The following LMO7 variants were observed in gnomAD, a reference collection of about 807,000 sequenced individuals.
LMO7 encodes the protein LIM domain only protein 7.
In LMO7, 120 loss-of-function variants were observed where a neutral mutation model predicts 206.5. The ratio of observed to expected loss-of-function variants is 0.58; its 90% CI spans 0.50 to 0.68. The LOEUF (loss-of-function observed/expected upper bound fraction) is 0.68, where lower values mean the gene tolerates loss of function less well. Among genes scored for constraint, LMO7 ranks in the 30% least tolerant of loss-of-function variants. The probability of loss-of-function intolerance (pLI) is 0.00; values close to 1 mark genes in which losing one functional copy is unlikely to be tolerated. For synonymous variants in LMO7, 706 were observed against 681.5 expected (o/e 1.04, Z -0.56); for missense variants, 1,959 against 1,957.9 (o/e 1.00, Z -0.01).
intron 4 of LMO7, among the ~76,000 whole-genome samples, chr13:75,782,641 G>A (rs1013991129): frequency 6.6e-6 from 1 of 152,136 alleles, no homozygotes; most frequent in Non-Finnish European, 1.5e-5. Context: ...AGTCTTAAGG[G>A]GCTAAAAACA....
At chr13:75,796,283 G>A (rs772759824) in intron 5 of LMO7, among the ~76,000 whole-genome samples, 22 of 152,180 alleles carry the variant, frequency 1.4e-4, no homozygotes, top group Admixed American at 9.2e-4. Flanking sequence ...AATTATTGAT[G>A]TTTAGGTGAT....
At position 75,841,809 on chromosome 13, in the gene LMO7, C is replaced by T. The variant is rs759842247; in HGVS notation, c.3857C>T (p.Pro1286Leu). The T allele has an allele frequency of 4.2e-5, 67 of 1,613,806 alleles. 2 individuals carry two copies. In the South Asian group the frequency reaches 5.6e-4, roughly 13 times the overall value. The change falls in exon 24 of 31, where the codon CCG (proline) becomes CTG (leucine). Residue 1286 changes from proline (P) to leucine (L), a missense_variant. Pro to Leu is a moderately conservative substitution (Grantham distance 98). Transcript: ENST00000377534. Reference protein sequence around the residue: ...EVVHEDQGKKPQDQLVIERER... With the variant: ...EVVHEDQGKKLQDQLVIERER... ...GTTCATGAGGACCAAGGAAAGAAGCCGCAGGATCAGCTTGTTATTGAGAGA... is the reference window on the plus strand; with the variant it reads ...GTTCATGAGGACCAAGGAAAGAAGCTGCAGGATCAGCTTGTTATTGAGAGA...
Position 75,849,177 on chromosome 13 carries a change from C to A in LMO7, c.4249C>A (p.Gln1417Lys), listed in dbSNP as rs756714036. 2.5e-6 allele frequency: 4 copies of A among 1,613,818 alleles called. No individual in the cohort carries two copies. The Admixed American group carries it at 6.7e-5, about 27-fold the overall frequency. The change falls in exon 27 of 31, where the codon CAA becomes AAA. Residue 1417 changes from glutamine to lysine, a missense_variant. Physicochemically the swap from Gln to Lys is moderately conservative, Grantham distance 53 (BLOSUM62 1). Transcript: ENST00000377534. ...ATCAGGAGCAGAATTGGAGAGGCAA[C>A]AAATCCTTCAGGAAATGAGGAAGAG... ...VPSGAELERQ[Q>K]ILQEMRKRTP...
intron 2 of LMO7, among the ~76,000 whole-genome samples, chr13:75,717,160 GA>G (rs796326858): frequency 2.6e-4 from 40 of 151,996 alleles, no homozygotes; most frequent in African/African-American, 8.7e-4. Flanking sequence ...TCAGGAGATC[GA>G]GACCATCCTG....
Position 75,808,207 on chromosome 13 carries a change from T to C in LMO7, c.1916+8T>C. 1 of 1,593,318 alleles carries C rather than the reference T, an allele frequency of 6.3e-7. No homozygotes were observed. The highest frequency in any genetic ancestry group is 8.6e-7 in the Non-Finnish European group (1 of 1,169,164). ...AAGGCTGATGGTGGAGAGGTCAGAG[T>C]GTGTTTCTGCAAGGATTTTGCTTGT... On this transcript the variant is annotated splice_region_variant and intron_variant, in intron 10 of 30. Coordinates refer to ENST00000377534, the MANE Select transcript of LMO7 (RefSeq NM_001306080.2).
At chr13:75,824,901 A>G (rs572737309) in intron 15 of LMO7, among the ~76,000 whole-genome samples, 7 of 152,178 alleles carry the variant, frequency 4.6e-5, no homozygotes, top group African/African-American at 1.7e-4. Context: ...GGCATTGCAT[A>G]TTTATTATTA....
chr13:75,804,175 G>T (rs568283633), intron 7 of LMO7, 114 bp from the exon 8 acceptor site: 204 of 1,043,440 alleles, frequency 2.0e-4, no homozygotes, highest in Non-Finnish European at 2.3e-4. Flanking sequence ...ATTCCCTGCA[G>T]TTAGCAGTGG....
Position 75,728,968 on chromosome 13 carries a change from C to G in LMO7, c.210+1870C>G, listed in dbSNP as rs141503634. Among the ~76,000 whole-genome samples the G allele has an allele frequency of 2.1e-3, 316 of 152,022 alleles. 8 individuals carry two copies. The East Asian group carries it at 0.052, about 25-fold the overall frequency. Reference sequence around the variant, plus strand: ...CAGCATTATTTCTCAGGGCTCTGTTCTGTTCCATTGGTCTATATCTCTGTT... The same window carrying G: ...CAGCATTATTTCTCAGGGCTCTGTTGTGTTCCATTGGTCTATATCTCTGTT... On this transcript the variant is annotated intron_variant, in intron 3 of 30. Transcript: ENST00000377534.
exon 1 of LMO7, chr13:75,621,820 A>G: frequency 6.2e-7 from 1 of 1,611,648 alleles, no homozygotes; most frequent in Non-Finnish European, 8.5e-7. Context: ...TCATGTCTGC[A>G]TCTGTGTGGG....
intron 3 of LMO7, among the ~76,000 whole-genome samples, chr13:75,747,025 T>C (rs2046897359): frequency 6.6e-6 from 1 of 152,144 alleles, no homozygotes; most frequent in South Asian, 2.1e-4. Flanking sequence ...GTCCGGTTTG[T>C]ACATGTTGAA....
intron 1 of LMO7, among the ~76,000 whole-genome samples, chr13:75,712,242 ATTTC>A (rs1231317244): frequency 1.3e-5 from 2 of 152,134 alleles, no homozygotes; most frequent in East Asian, 3.9e-4. Context: ...TCAGAAATGT[ATTTC>A]TTTCTGAAGT....
Position 75,805,467 on chromosome 13 carries a change from T to G in LMO7, c.915-12T>G. On this transcript the variant is annotated splice_polypyrimidine_tract_variant and intron_variant, in intron 8 of 30. Coordinates refer to ENST00000377534, the MANE Select transcript of LMO7 (RefSeq NM_001306080.2). ...TCATACAGTGTCTTAACCGGTTGGA[T>G]GTTTTGAACAGTAATCAGAGGAGGA... 6.2e-7 allele frequency: 1 copy of G among 1,610,958 alleles called. No individual in the cohort carries two copies. The highest frequency in any genetic ancestry group is 8.5e-7 in the Non-Finnish European group (1 of 1,177,994).
At chr13:75,685,584 G>T (rs2040899909) in intron 1 of LMO7, among the ~76,000 whole-genome samples, 1 of 151,390 alleles carries the variant, frequency 6.6e-6, no homozygotes, top group Admixed American at 6.6e-5. Context: ...GAACTAACTG[G>T]TTACTCAGCT....
At chr13:75,649,658 T>C (rs2139118408) in intron 1 of LMO7, among the ~76,000 whole-genome samples, 1 of 152,262 alleles carries the variant, frequency 6.6e-6, no homozygotes, top group East Asian at 1.9e-4. Context: ...ATCCAAGAAA[T>C]CAACATTCTC....
chr13:75,670,072 T>A (rs532384030), intron 1 of LMO7, among the ~76,000 whole-genome samples: 4 of 152,324 alleles, frequency 2.6e-5, no homozygotes, highest in African/African-American at 9.6e-5. Flanking sequence ...CCCTAAACTT[T>A]GTGCAGGAGT....
At chr13:75,623,153 A>G in intron 1 of LMO7, 1 of 607,482 alleles carries the variant, frequency 1.6e-6, no homozygotes, top group Non-Finnish European at 3.0e-6. Flanking sequence ...ACTAAATAGT[A>G]TCATGCTTTG....
chr13:75,850,598 A>G (rs994032513), intron 27 of LMO7, among the ~76,000 whole-genome samples: 11 of 152,196 alleles, frequency 7.2e-5, no homozygotes, highest in South Asian at 4.1e-4. Flanking sequence ...TTGCTACATA[A>G]TATGCCACCT....
chr13:75,637,374 C>T (rs747710909), intron 1 of LMO7, among the ~76,000 whole-genome samples: 10 of 152,198 alleles, frequency 6.6e-5, no homozygotes, highest in Non-Finnish European at 1.5e-4. Flanking sequence ...ACCCTCCCAG[C>T]TGTGCCTCAC....
At chr13:75,829,637 A>G (rs903667701) in intron 15 of LMO7, among the ~76,000 whole-genome samples, 14 of 151,908 alleles carry the variant, frequency 9.2e-5, no homozygotes, top group Admixed American at 6.6e-4. Flanking sequence ...TCCTTAACAC[A>G]TTTGTCTAAT....
Sources: gnomAD v4.1 joint callset for allele counts (sites outside exome capture counted in the v4.1 genomes callset) on GRCh38, gnomAD v4.1.1 for gene constraint, MANE v1.5 for transcripts, NCBI Gene and HGNC (gene_info 2026-07-23, HGNC 2026-07-21) for gene names.